Variants in PIRT observed in about 807,000 individuals in gnomAD.
The protein encoded by PIRT is phosphoinositide interacting regulator of transient receptor potential channels.
In PIRT, 6 loss-of-function variants were observed where a neutral mutation model predicts 7.9. The ratio of observed to expected loss-of-function variants is 0.76; its 90% CI spans 0.42 to 1.51. The LOEUF (loss-of-function observed/expected upper bound fraction) is 1.51. Ranked by LOEUF, PIRT falls within the 40% of genes most tolerant of loss-of-function variation. PIRT has a pLI of 0.01. For missense variants in PIRT, 170 were observed against 172.9 expected, an observed-to-expected ratio of 0.98 and a Z score of 0.09; for synonymous variants, 78 against 71.8, an observed-to-expected ratio of 1.09 and a Z score of -0.44.
intron 1 of PIRT, among the ~76,000 whole-genome samples, chr17:10,829,133 G>A (rs999245346): frequency 2.8e-4 from 42 of 152,200 alleles, no homozygotes; most frequent in African/African-American, 9.9e-4. Flanking sequence ...ATATGAGGAT[G>A]TTTGATCATC....
At chr17:10,829,973 AT>A (rs1905424753) in intron 1 of PIRT, among the ~76,000 whole-genome samples, 2 of 101,994 alleles carry the variant, frequency 2.0e-5, no homozygotes, top group Non-Finnish European at 4.1e-5. Flanking sequence ...CTGTCTATCT[AT>A]CTATCTATCT....
chr17:10,826,376 G>A (rs1300860701), intron 1 of PIRT, among the ~76,000 whole-genome samples: 1 of 152,220 alleles, frequency 6.6e-6, no homozygotes, highest in Non-Finnish European at 1.5e-5. Context: ...TCTATAAGAT[G>A]AGGATAATGT....
At chr17:10,836,184 T>C (rs1012313015) in intron 1 of PIRT, among the ~76,000 whole-genome samples, 6 of 152,206 alleles carry the variant, frequency 3.9e-5, no homozygotes, top group African/African-American at 1.4e-4. Flanking sequence ...ATTACAGGCG[T>C]GAGCTACTGC....
Position 10,825,008 on chromosome 17 carries a change from G to T in PIRT, c.*224C>A, listed in dbSNP as rs148597666. 6.8e-4 allele frequency: 412 copies of T among 603,966 alleles called. 2 individuals are homozygous for T. Among genetic ancestry groups the T allele is most frequent in the African/African-American group, 5.8e-3 (315 of 54,148 alleles). 37.4% of individuals were successfully genotyped at this position (603,966 alleles called of 1,614,324 possible). On this transcript the variant is annotated 3_prime_UTR_variant, in exon 2 of 2. Coordinates refer to ENST00000580256, the MANE Select transcript of PIRT (RefSeq NM_001101387.2). ...AGTGACCAAAGGGAAGGCCACAGCC[G>T]GGATCCAAGGAAGCATCAGTCAGAA...
rs200908584 is a variant in PIRT at position 10,825,489 on chromosome 17, G to A, written c.157C>T (p.Arg53Cys). The A allele has an allele frequency of 3.3e-5, 54 of 1,613,770 alleles. No individual in the cohort carries two copies. The highest frequency in any genetic ancestry group is 4.0e-5 in the African/African-American group (3 of 74,912). ...TTPRSNWEIY[R>C]KPIVIMSVGG... The stretch of plus-strand genomic sequence containing the variant: ...ACTGACATGATAACGATGGGCTTGC[G>A]GTAGATTTCCCAGTTACTCCTGGGG... The change falls in exon 2 of 2, where the codon CGC becomes TGC. Residue 53 changes from arginine (R) to cysteine (C), a missense_variant. Transcript: ENST00000580256.
intron 1 of PIRT, among the ~76,000 whole-genome samples, chr17:10,829,046 C>T (rs79292100): frequency 0.082 from 12,504 of 152,128 alleles, 606 homozygotes; most frequent in South Asian, 0.16. Flanking sequence ...GATTTTTTTC[C>T]CCCTGTGGGC....
intron 1 of PIRT, among the ~76,000 whole-genome samples, chr17:10,826,767 C>T (rs996778224): frequency 1.1e-4 from 17 of 152,182 alleles, no homozygotes; most frequent in African/African-American, 2.9e-4. Context: ...TGGGCTTTCA[C>T]GTGCTCTGTC....
intron 1 of PIRT, among the ~76,000 whole-genome samples, chr17:10,834,892 G>GT (rs1399985799): frequency 4.9e-5 from 7 of 141,880 alleles, no homozygotes; most frequent in African/African-American, 1.9e-4. Context: ...GCCCAGCGTT[G>GT]TTTGTTTTTT....
Position 10,827,225 on chromosome 17 carries a change from C to A in PIRT, c.-138-1442G>T, listed in dbSNP as rs1171217518. On this transcript the variant is annotated intron_variant, in intron 1 of 1. Transcript: ENST00000580256. ...TCAGGCCTGGAAAGGTATGGAGTCT[C>A]ACTCAATTGCCCACCCCAGGGTCTA... 4.6e-5 allele frequency among the ~76,000 whole-genome samples: 7 copies of A among 152,278 alleles called. No individual in the cohort carries two copies. In the Middle Eastern group the frequency reaches 0.014, roughly 296 times the overall value.
intron 1 of PIRT, among the ~76,000 whole-genome samples, chr17:10,832,078 T>G (rs946890996): frequency 1.2e-4 from 19 of 152,184 alleles, no homozygotes; most frequent in African/African-American, 3.6e-4. Context: ...GTGATCTCAT[T>G]TCCGTAAAAT....
At chr17:10,827,838 C>T (rs567361772) in intron 1 of PIRT, among the ~76,000 whole-genome samples, 30 of 152,240 alleles carry the variant, frequency 2.0e-4, no homozygotes, top group Non-Finnish European at 3.2e-4. Flanking sequence ...TATATATTTA[C>T]AACAAGATAA....
intron 1 of PIRT, among the ~76,000 whole-genome samples, chr17:10,827,964 G>A (rs182164632): frequency 2.6e-5 from 4 of 152,252 alleles, no homozygotes; most frequent in East Asian, 1.9e-4. Flanking sequence ...TCTTTCAAAT[G>A]TCTCCAAGGT....
chr17:10,837,392 C>T (rs190865836), intron 1 of PIRT, among the ~76,000 whole-genome samples: 439 of 152,328 alleles, frequency 2.9e-3, no homozygotes, highest in African/African-American at 9.5e-3. Context: ...AGGCAGCCAA[C>T]GCACTCCACC....
In PIRT at chr17:10,825,242, A is replaced by G. The variant is rs1214745642; in HGVS notation, c.404T>C (p.Leu135Pro). 13 of 1,613,426 alleles carry G rather than the reference A, an allele frequency of 8.1e-6. No homozygotes were observed. The highest frequency in any genetic ancestry group is 2.2e-5 in the East Asian group (1 of 44,876). The change falls in exon 2 of 2, where the codon CTG (leucine) becomes CCG (proline). Residue 135 changes from leucine (L) to proline (P), a missense_variant. By Grantham distance (98) the Leu-to-Pro change is moderately conservative. Coordinates refer to ENST00000580256, the MANE Select transcript of PIRT (RefSeq NM_001101387.2). ...NFLRSLKSFF[L>P]TR ...ATGCGGAAACCACCATCAGCGAGTCAGGAAGAAGGACTTGAGGCTGCGTAA... is the reference window on the plus strand; with the variant it reads ...ATGCGGAAACCACCATCAGCGAGTCGGGAAGAAGGACTTGAGGCTGCGTAA...
chr17:10,835,757 C>T (rs1905573694), intron 1 of PIRT, among the ~76,000 whole-genome samples: 1 of 152,238 alleles, frequency 6.6e-6, no homozygotes, highest in Non-Finnish European at 1.5e-5. Flanking sequence ...CACCATGCCA[C>T]AAATCCAACG....
At chr17:10,836,247 C>CT (rs963860388) in intron 1 of PIRT, among the ~76,000 whole-genome samples, 3 of 152,018 alleles carry the variant, frequency 2.0e-5, no homozygotes, top group Admixed American at 2.0e-4. Flanking sequence ...AGGGCCCTGC[C>CT]TTTTTTTCTT....
rs76578735 is a variant in PIRT, at chr17:10,823,115, G to C, written c.*2117C>G. 2 of 152,168 alleles carry C rather than the reference G, an allele frequency of 1.3e-5. No individual in the cohort carries two copies. The highest frequency in any genetic ancestry group is 4.8e-5 in the African/African-American group (2 of 41,436). The allele number at this position is 152,168 out of a possible 1,614,324, so 9.4% of individuals were successfully genotyped here. On this transcript the variant is annotated 3_prime_UTR_variant, in exon 2 of 2. Transcript: ENST00000580256. Reference sequence around the variant, plus strand: ...ATTTGCTCCCATTTAAGAATGCATCGAGGAATGCAAGAGTAATATTATAGG... The same window carrying C: ...ATTTGCTCCCATTTAAGAATGCATCCAGGAATGCAAGAGTAATATTATAGG...
intron 1 of PIRT, among the ~76,000 whole-genome samples, chr17:10,836,782 G>A (rs1052934651): frequency 6.6e-6 from 1 of 152,184 alleles, no homozygotes; most frequent in Non-Finnish European, 1.5e-5. Context: ...GAGTCTGGGG[G>A]AGAAGCGGGG....
intron 1 of PIRT, among the ~76,000 whole-genome samples, chr17:10,826,045 C>A (rs1460375898): frequency 2.0e-5 from 3 of 152,010 alleles, no homozygotes; most frequent in Admixed American, 1.3e-4. Context: ...CTCACTGCAA[C>A]CTCCACCTCC....
Sources: gnomAD v4.1 joint callset for allele counts (sites outside exome capture counted in the v4.1 genomes callset) on GRCh38, gnomAD v4.1.1 for gene constraint, MANE v1.5 for transcripts, NCBI Gene and HGNC (gene_info 2026-07-23, HGNC 2026-07-21) for gene names.